HDAC4: variants seen among roughly 807,000 people sequenced by gnomAD.
HDAC4 encodes histone deacetylase A.
A neutral mutation model predicts 135.1 loss-of-function variants in HDAC4; 16 were observed. The observed-to-expected ratio is 0.12, with a 90% CI of 0.08 to 0.18. The LOEUF is 0.18. Ranked by LOEUF, HDAC4 falls within the 10% of genes least tolerant of loss-of-function variation. The pLI, the probability that HDAC4 is intolerant of heterozygous loss-of-function variation, is 1.00. For synonymous variants in HDAC4, 685 were observed against 653.4 expected (o/e 1.05, Z -0.74); for missense variants, 1,143 against 1,511.8 (o/e 0.76, Z 4.05).
chr2:239,331,775 C>T lies in HDAC4; in HGVS notation c.22+20903G>A, dbSNP rs1182173556. 6.6e-6 allele frequency among the ~76,000 whole-genome samples: 1 copy of T among 152,106 alleles called. No homozygotes were observed. The highest frequency in any genetic ancestry group is 6.5e-5 in the Admixed American group (1 of 15,270). On this transcript the variant is annotated intron_variant, in intron 2 of 26. Coordinates refer to ENST00000543185, the MANE Select transcript of HDAC4 (RefSeq NM_001378414.1). This position sits in a 1 kb window ranked among gnomAD's most constrained non-coding sequence, Gnocchi z 4.5. ...CACGGCGATGCACGAGGAGCCCAGG[C>T]CTGGGAGAGAAGGGAGGTGGAAAGA...
intron 2 of HDAC4, among the ~76,000 whole-genome samples, chr2:239,342,490 T>C (rs187419289): frequency 2.3e-4 from 35 of 152,302 alleles, no homozygotes; most frequent in African/African-American, 8.4e-4. Flanking sequence ...AATAAGTACA[T>C]TTAGGTCATT....
chr2:239,260,200 C>T (rs912129618), intron 2 of HDAC4, among the ~76,000 whole-genome samples: 7 of 152,220 alleles, frequency 4.6e-5, no homozygotes, highest in African/African-American at 1.4e-4. Context: ...TGCAGGCGCC[C>T]TGTGACGACT....
At chr2:239,104,686 A>T in intron 15 of HDAC4, among the ~76,000 whole-genome samples, 1 of 152,370 alleles carries the variant, frequency 6.6e-6, no homozygotes, top group Middle Eastern at 3.4e-3. Flanking sequence ...CTGCGGTGCC[A>T]AGAGGCAGGT....
At chr2:239,291,723 G>A (rs1232867404) in intron 2 of HDAC4, among the ~76,000 whole-genome samples, 2 of 152,158 alleles carry the variant, frequency 1.3e-5, no homozygotes, top group African/African-American at 4.8e-5. Context: ...CGGGGGAAGG[G>A]CAATATCTAT....
At chr2:239,305,661 G>C (rs2052538936) in intron 2 of HDAC4, 1 of 152,460 alleles carries the variant, frequency 6.6e-6, no homozygotes. Context: ...AGAACTGAGT[G>C]TGGTTTTTAA....
chr2:239,285,890 G>A lies in HDAC4; in HGVS notation c.23-49226C>T, dbSNP rs901314485. On this transcript the variant is annotated intron_variant, in intron 2 of 26. Coordinates refer to ENST00000543185, the MANE Select transcript of HDAC4 (RefSeq NM_001378414.1). The surrounding 1 kb of genome is among the most constrained non-coding windows in gnomAD (Gnocchi z 4.5). ...CCAGGGCAGCTCCCAGGAAATGCAC[G>A]TGGCATGCCTATCAGAAGAACGGCC... Among the ~76,000 whole-genome samples the A allele has an allele frequency of 1.3e-5, 2 of 152,248 alleles. No homozygotes were observed. Among genetic ancestry groups the A allele is most frequent in the African/African-American group, 2.4e-5 (1 of 41,530 alleles).
At chr2:239,081,954 G>A (rs1051570286) in intron 21 of HDAC4, 148 bp downstream of exon 21, 19 of 778,648 alleles carry the variant, frequency 2.4e-5, no homozygotes, top group South Asian at 6.4e-5. Context: ...GCAGGCTGAC[G>A]TCTGACTGAA....
At chr2:239,056,187 G>A (rs2031815650) in intron 24 of HDAC4, among the ~76,000 whole-genome samples, 1 of 152,216 alleles carries the variant, frequency 6.6e-6, no homozygotes, top group African/African-American at 2.4e-5. Flanking sequence ...AGCACAGCCG[G>A]TTAACTTCCA....
At chr2:239,080,978 G>T in intron 22 of HDAC4, 117 bp downstream of exon 22, 1 of 750,238 alleles carries the variant, frequency 1.3e-6, no homozygotes, top group Non-Finnish European at 2.3e-6. Context: ...GGACCCCACA[G>T]CCCCGTTCAG....
chr2:239,297,527 T>C (rs1331807067), intron 2 of HDAC4, among the ~76,000 whole-genome samples: 1 of 152,256 alleles, frequency 6.6e-6, no homozygotes, highest in East Asian at 1.9e-4. Flanking sequence ...TATGAGCTAC[T>C]GTGGAGCGGT....
At chr2:239,372,791 C>CCATACA (rs1222300025) in intron 1 of HDAC4, among the ~76,000 whole-genome samples, 2 of 152,218 alleles carry the variant, frequency 1.3e-5, no homozygotes, top group African/African-American at 4.8e-5. Flanking sequence ...TCCCTCCATT[C>CCATACA]CATACACATA....
At chr2:239,065,688 C>T (rs948746395) in intron 24 of HDAC4, among the ~76,000 whole-genome samples, 1 of 152,230 alleles carries the variant, frequency 6.6e-6, no homozygotes, top group East Asian at 1.9e-4. Flanking sequence ...AAGGCCTCTG[C>T]ATCTGGTGTG....
At chr2:239,231,172 T>C (rs1385308538) in intron 3 of HDAC4, among the ~76,000 whole-genome samples, 1 of 152,198 alleles carries the variant, frequency 6.6e-6, no homozygotes, top group African/African-American at 2.4e-5. Flanking sequence ...TCCCTAACTC[T>C]GACAGATACA....
rs191155481 is a variant in HDAC4 at position 239,262,709 on chromosome 2, C to A, written c.23-26045G>T. On this transcript the variant is annotated intron_variant, in intron 2 of 26. Transcript: ENST00000543185. This position sits in a 1 kb window ranked among gnomAD's most constrained non-coding sequence, Gnocchi z 4.1. ...AGCGGGACACCCCCAAGGGTGCACACGGCTGAAGGCGCAACGGGCACAGGG... is the reference window on the plus strand; with the variant it reads ...AGCGGGACACCCCCAAGGGTGCACAAGGCTGAAGGCGCAACGGGCACAGGG... 5.9e-5 allele frequency among the ~76,000 whole-genome samples: 9 copies of A among 152,286 alleles called. No individual in the cohort carries two copies. The highest frequency in any genetic ancestry group is 5.9e-4 in the Admixed American group (9 of 15,304).
intron 3 of HDAC4, among the ~76,000 whole-genome samples, chr2:239,200,492 G>A (rs1052757306): frequency 1.3e-5 from 2 of 152,144 alleles, no homozygotes; most frequent in Non-Finnish European, 2.9e-5. Context: ...TTGGAGCTTC[G>A]TATGTAGGTG....
chr2:239,152,093 C>T (rs937459528), intron 7 of HDAC4, among the ~76,000 whole-genome samples: 11 of 152,202 alleles, frequency 7.2e-5, no homozygotes, highest in African/African-American at 2.4e-4. Flanking sequence ...TTAAGAAGAT[C>T]ACGATGAAGA....
At chr2:239,298,465 C>A (rs2052045486) in intron 2 of HDAC4, 1 of 1,133,360 alleles carries the variant, frequency 8.8e-7, no homozygotes, top group Non-Finnish European at 1.1e-6. Flanking sequence ...GTCCCAGCAA[C>A]CCCAGCTATT....
chr2:239,119,682 C>A (rs2039461613), intron 12 of HDAC4, among the ~76,000 whole-genome samples: 1 of 152,122 alleles, frequency 6.6e-6, no homozygotes, highest in African/African-American at 2.4e-5. Flanking sequence ...GAGATGGGAG[C>A]TCAGGGCTGA....
intron 1 of HDAC4, among the ~76,000 whole-genome samples, chr2:239,355,331 A>G (rs903579482): frequency 5.9e-5 from 9 of 152,214 alleles, no homozygotes; most frequent in Non-Finnish European, 1.2e-4. Context: ...CACCGGTGAC[A>G]CATCTGTTGT....
Sources: gnomAD v4.1 joint callset for allele counts (sites outside exome capture counted in the v4.1 genomes callset) on GRCh38, gnomAD v4.1.1 for gene constraint, Gnocchi (gnomAD v3.1) non-coding constraint, MANE v1.5 for transcripts, NCBI Gene and HGNC (gene_info 2026-07-23, HGNC 2026-07-21) for gene names.